Variants in THADA observed in about 807,000 individuals in gnomAD.
THADA encodes THADA armadillo repeat containing.
In THADA, 213 loss-of-function variants were observed where a neutral mutation model predicts 219.8. The ratio of observed to expected loss-of-function variants is 0.97; its 90% CI spans 0.87 to 1.09. THADA has a LOEUF of 1.09. THADA is among the 50% of genes least tolerant of loss of function. THADA has a pLI of 0.00. For synonymous variants in THADA, 1,018 were observed against 828.9 expected (o/e 1.23, Z -3.92); for missense variants, 2,956 against 2,311.3 (o/e 1.28, Z -5.72).
chr2:43,577,109 A>G lies in THADA; in HGVS notation c.950T>C (p.Met317Thr). 3 of 1,613,360 alleles carry G rather than the reference A, an allele frequency of 1.9e-6. No homozygotes were observed. The highest frequency in any genetic ancestry group is 1.7e-6 in the Non-Finnish European group (2 of 1,179,706). ...VLFLCQGTLA[M>T]LDWQNGSMGR... ...CATGCTTCCGTTCTGCCAGTCCAAC[A>G]TGGCAAGTGTCCCCTGACAGAGGAA... The change falls in exon 10 of 38, where the codon ATG becomes ACG. Residue 317 changes from methionine to threonine, a missense_variant. By Grantham distance (81) the Met-to-Thr change is moderately conservative (BLOSUM62 -1). Transcript: ENST00000405975.
chr2:43,261,837 C>A (rs981426189), intron 36 of THADA, among the ~76,000 whole-genome samples: 36 of 152,080 alleles, frequency 2.4e-4, no homozygotes, highest in African/African-American at 8.7e-4. Context: ...GGGTTTCACC[C>A]TGTTGACCAG....
At chr2:43,387,363 T>C (rs552657560) in intron 29 of THADA, among the ~76,000 whole-genome samples, 2 of 152,184 alleles carry the variant, frequency 1.3e-5, no homozygotes, top group South Asian at 4.1e-4. Flanking sequence ...ATTTTAAAAG[T>C]GAGCTGGCTT....
At chr2:43,255,703 C>T (rs1411902861) in intron 36 of THADA, among the ~76,000 whole-genome samples, 2 of 152,218 alleles carry the variant, frequency 1.3e-5, no homozygotes, top group Non-Finnish European at 2.9e-5. Context: ...GTTTCCCACA[C>T]ACCCCGGGAA....
chr2:43,368,658 A>G (rs1573309373), intron 29 of THADA, among the ~76,000 whole-genome samples: 2 of 151,870 alleles, frequency 1.3e-5, no homozygotes, highest in South Asian at 2.1e-4. Flanking sequence ...TCAGGCTCCC[A>G]AAGTGCTGCT....
rs1022774574 is a variant in THADA at position 43,231,474 on chromosome 2, C to T, written c.5467-131G>A. On this transcript the variant is annotated intron_variant, in intron 37 of 37. Transcript: ENST00000405975. ...CCACCTGACAGAGGGTGCACTCTTG[C>T]CTGTCAACATCCATGTACACACACC... The T allele has an allele frequency of 9.4e-6, 8 of 853,748 alleles. No individual in the cohort carries two copies. The African/African-American group carries it at 1.0e-4, about 11-fold the overall frequency. The allele number at this position is 853,748 out of a possible 1,614,324, so 52.9% of individuals were successfully genotyped here.
rs1421832057 is a variant in THADA at position 43,279,824 on chromosome 2, T to C, written c.5237A>G (p.Asp1746Gly). The C allele has an allele frequency of 1.3e-5, 20 of 1,561,234 alleles. No individual in the cohort carries two copies. The highest frequency in any genetic ancestry group is 1.7e-5 in the Non-Finnish European group (20 of 1,152,344). Residue 1746 changes from aspartate (D) to glycine (G), a missense_variant, in exon 36 of 38, where the codon GAT becomes GGT. By Grantham distance (94) the Asp-to-Gly change is moderately conservative. Transcript: ENST00000405975. ...LLQSEEQAVRDAATETVTTAM... is the reference protein window; with the variant it reads ...LLQSEEQAVRGAATETVTTAM... Reference sequence around the variant, plus strand: ...AGTTGTCACGGTTTCCGTGGCTGCATCTCTAACAGCTTGCTCCTCACTCTG... The same window carrying C: ...AGTTGTCACGGTTTCCGTGGCTGCACCTCTAACAGCTTGCTCCTCACTCTG...
At chr2:43,299,503 A>T (rs1676000299) in intron 31 of THADA, among the ~76,000 whole-genome samples, 1 of 151,588 alleles carries the variant, frequency 6.6e-6, no homozygotes, top group Non-Finnish European at 1.5e-5. Flanking sequence ...TACTAAAAAA[A>T]ATACAAAAAT....
intron 28 of THADA, among the ~76,000 whole-genome samples, chr2:43,411,276 G>T (rs1676271494): frequency 6.6e-6 from 1 of 152,180 alleles, no homozygotes; most frequent in Non-Finnish European, 1.5e-5. Context: ...TTGCAAAAAT[G>T]AGTGTTCCCC....
intron 36 of THADA, among the ~76,000 whole-genome samples, chr2:43,275,972 G>A (rs896873495): frequency 2.6e-5 from 4 of 152,216 alleles, no homozygotes; most frequent in Non-Finnish European, 5.9e-5. Flanking sequence ...CTGAGTGGCC[G>A]CTTGGTGGAA....
intron 29 of THADA, among the ~76,000 whole-genome samples, chr2:43,383,826 A>G (rs1355955812): frequency 6.6e-6 from 1 of 152,244 alleles, no homozygotes. Flanking sequence ...AAGGTCAATC[A>G]TTAAAAAAAG....
intron 36 of THADA, among the ~76,000 whole-genome samples, chr2:43,261,589 T>C (rs549034933): frequency 6.6e-6 from 1 of 151,264 alleles, no homozygotes; most frequent in Non-Finnish European, 1.5e-5. Flanking sequence ...GCCTCCCAAG[T>C]AGGTGGGATT....
intron 29 of THADA, among the ~76,000 whole-genome samples, chr2:43,389,946 C>T (rs1053649776): frequency 1.3e-5 from 2 of 152,182 alleles, no homozygotes; most frequent in African/African-American, 4.8e-5. Context: ...TCATAAGCTT[C>T]TTGAGAGCAG....
intron 29 of THADA, among the ~76,000 whole-genome samples, chr2:43,353,806 C>G (rs1325738671): frequency 2.7e-5 from 4 of 149,988 alleles, no homozygotes; most frequent in African/African-American, 5.0e-5. Context: ...CAGGCATGGG[C>G]CACCAAGCTC....
intron 31 of THADA, among the ~76,000 whole-genome samples, chr2:43,297,062 C>G (rs1450851774): frequency 9.3e-6 from 1 of 107,812 alleles, no homozygotes; most frequent in African/African-American, 4.3e-5. Context: ...AGGAGCGTCT[C>G]CGCCCGGCCG....
intron 30 of THADA, among the ~76,000 whole-genome samples, chr2:43,323,140 T>C (rs1301339393): frequency 6.6e-6 from 1 of 152,034 alleles, no homozygotes; most frequent in Non-Finnish European, 1.5e-5. Flanking sequence ...TTTTCTTTCT[T>C]TTTTGTTTTG....
intron 25 of THADA, among the ~76,000 whole-genome samples, chr2:43,490,430 T>A (rs973571784): frequency 2.0e-5 from 3 of 152,188 alleles, no homozygotes; most frequent in Admixed American, 2.0e-4. Context: ...GAGAGAAAGA[T>A]TTCAGTCCTT....
At chr2:43,234,099 C>T (rs1011305171) in intron 36 of THADA, among the ~76,000 whole-genome samples, 2 of 152,146 alleles carry the variant, frequency 1.3e-5, no homozygotes, top group African/African-American at 4.8e-5. Context: ...CTAGTGAGTG[C>T]CAGGCCCTGA....
At chr2:43,569,490 T>C (rs1699057209) in intron 14 of THADA, among the ~76,000 whole-genome samples, 1 of 152,212 alleles carries the variant, frequency 6.6e-6, no homozygotes, top group African/African-American at 2.4e-5. Context: ...AGTAAACCCA[T>C]GTCTTTAAAG....
chr2:43,439,533 G>A (rs1489038305), intron 26 of THADA, among the ~76,000 whole-genome samples: 1 of 152,096 alleles, frequency 6.6e-6, no homozygotes, highest in Non-Finnish European at 1.5e-5. Flanking sequence ...CAACTGTCCT[G>A]GTGTCACAGG....
Sources: gnomAD v4.1 joint callset for allele counts (sites outside exome capture counted in the v4.1 genomes callset) on GRCh38, gnomAD v4.1.1 for gene constraint, MANE v1.5 for transcripts, NCBI Gene and HGNC (gene_info 2026-07-23, HGNC 2026-07-21) for gene names.